TG: variants seen among roughly 807,000 people sequenced by gnomAD.
TG encodes the protein thyroid hormones.
In TG, 270 loss-of-function variants were observed where a neutral mutation model predicts 324.7. The observed-to-expected ratio is 0.83, with a 90% CI of 0.75 to 0.92. TG has a LOEUF of 0.92. Among genes scored for constraint, TG ranks in the 40% least tolerant of loss-of-function variants. The pLI is 0.00. For synonymous variants in TG, 1,401 were observed against 1,327.0 expected (o/e 1.06, Z -1.21); for missense variants, 3,591 against 3,456.4 (o/e 1.04, Z -0.98).
intron 43 of TG, among the ~76,000 whole-genome samples, chr8:133,112,619 C>T (rs978307992): frequency 6.6e-6 from 1 of 151,746 alleles, no homozygotes; most frequent in African/African-American, 2.4e-5. Flanking sequence ...AAAGGGGAAG[C>T]ATGAAGGAAG....
At chr8:133,069,043 A>G (rs1415929419) in intron 41 of TG, among the ~76,000 whole-genome samples, 1 of 152,266 alleles carries the variant, frequency 6.6e-6, no homozygotes, top group African/African-American at 2.4e-5. Context: ...GCCATTACAT[A>G]GAATGGGGAA....
chr8:132,990,079 G>A (rs916388347), intron 35 of TG, among the ~76,000 whole-genome samples: 1 of 151,654 alleles, frequency 6.6e-6, no homozygotes, highest in East Asian at 1.9e-4. Context: ...AGTCCAAACC[G>A]CTTTACAGAG....
At chr8:133,124,065 GT>G (rs1374214996) in intron 45 of TG, among the ~76,000 whole-genome samples, 1 of 152,226 alleles carries the variant, frequency 6.6e-6, no homozygotes, top group Non-Finnish European at 1.5e-5. Flanking sequence ...GCAAACACAA[GT>G]GAAGTGGTTT....
At chr8:132,883,325 C>T (rs1814930391) in intron 8 of TG, 5 of 322,062 alleles carry the variant, frequency 1.6e-5, no homozygotes, top group South Asian at 7.5e-5. Flanking sequence ...GGTGGGCATT[C>T]GATCTTGCAG....
intron 43 of TG, chr8:133,106,381 C>T: frequency 5.1e-6 from 5 of 985,156 alleles, no homozygotes; most frequent in Non-Finnish European, 6.0e-6. Flanking sequence ...CCCAGCCTGG[C>T]CTGCTCTGTG....
chr8:133,115,403 G>T (rs576205460), intron 44 of TG, among the ~76,000 whole-genome samples: 1 of 152,142 alleles, frequency 6.6e-6, no homozygotes, highest in Admixed American at 6.5e-5. Flanking sequence ...TGCTCACAAT[G>T]CCTCAGGGTG....
chr8:133,114,937 G>T (rs141358121), intron 44 of TG, among the ~76,000 whole-genome samples: 1 of 150,090 alleles, frequency 6.7e-6, no homozygotes, highest in Non-Finnish European at 1.5e-5. Flanking sequence ...GGACTAAAAG[G>T]CTTTAATTTT....
rs1339865383 is a variant in TG, at chr8:132,908,216, A to C, written c.3878A>C (p.Gln1293Pro). 1.2e-6 allele frequency: 2 copies of C among 1,614,012 alleles called. No individual in the cohort carries two copies. Among genetic ancestry groups the C allele is most frequent in the South Asian group, 2.2e-5 (2 of 91,080 alleles). Residue 1293 changes from glutamine to proline, a missense_variant, in exon 18 of 48, where the codon CAA becomes CCA. Physicochemically the swap from Gln to Pro is moderately conservative, Grantham distance 76. Transcript: ENST00000220616. Reference sequence around the variant, plus strand: ...CAGCTGTGGCAGACCATCCAGACCCAAGGGCACTTTCAGCTCCAGCTCCCG... The same window carrying C: ...CAGCTGTGGCAGACCATCCAGACCCCAGGGCACTTTCAGCTCCAGCTCCCG... ...RPQLWQTIQTQGHFQLQLPPG... is the reference protein window; with the variant it reads ...RPQLWQTIQTPGHFQLQLPPG...
At chr8:132,988,971 T>A in intron 35 of TG, 1 of 879,910 alleles carries the variant, frequency 1.1e-6, no homozygotes, top group Non-Finnish European at 1.4e-6. Flanking sequence ...GAAAGAGGTT[T>A]AATTGGACTC....
At chr8:132,999,548 G>A (rs868004700) in intron 35 of TG, among the ~76,000 whole-genome samples, 6 of 152,208 alleles carry the variant, frequency 3.9e-5, no homozygotes, top group South Asian at 2.1e-4. Flanking sequence ...GGTGCATAAC[G>A]ACTGGGTTCA....
chr8:133,096,080 C>A (rs968751251), intron 42 of TG, 126 bp from the exon 43 acceptor site: 1 of 1,193,298 alleles, frequency 8.4e-7, no homozygotes. Context: ...TTGTCCTGGT[C>A]ACTTTTTCTC....
At chr8:132,990,279 T>C (rs902757838) in intron 35 of TG, among the ~76,000 whole-genome samples, 1 of 151,914 alleles carries the variant, frequency 6.6e-6, no homozygotes, top group African/African-American at 2.4e-5. Flanking sequence ...AGCTCTATCA[T>C]TTTTTGCTCT....
Position 132,881,888 on chromosome 8 carries a change from A to G in TG, c.664A>G (p.Ser222Gly), listed in dbSNP as rs1233821394. 3.1e-6 allele frequency: 5 copies of G among 1,613,884 alleles called. No individual in the cohort carries two copies. In the African/African-American group the frequency reaches 5.3e-5, roughly 17 times the overall value. ...GTTTCCAGATGCATTTGTGACCTTCAGTTCCTTCCAGAGGAGGTTCCCTGA... is the reference window on the plus strand; with the variant it reads ...GTTTCCAGATGCATTTGTGACCTTCGGTTCCTTCCAGAGGAGGTTCCCTGA... ...NRFPDAFVTF[S>G]SFQRRFPEVS... Residue 222 changes from serine (S) to glycine (G), a missense_variant, in exon 6 of 48, where the codon AGT (serine) becomes GGT (glycine). Transcript: ENST00000220616.
intron 5 of TG, among the ~76,000 whole-genome samples, chr8:132,880,593 C>A (rs1814517399): frequency 6.6e-6 from 1 of 152,172 alleles, no homozygotes; most frequent in African/African-American, 2.4e-5. Context: ...AAACCTCATC[C>A]ATAATCCTAT....
intron 25 of TG, among the ~76,000 whole-genome samples, chr8:132,940,184 A>T (rs1393448923): frequency 6.6e-6 from 1 of 152,140 alleles, no homozygotes. Flanking sequence ...TGAGTCAAAT[A>T]AGATGGGGTG....
chr8:133,048,277 G>A (rs1839834390), intron 41 of TG, among the ~76,000 whole-genome samples: 1 of 152,042 alleles, frequency 6.6e-6, no homozygotes, highest in South Asian at 2.1e-4. Flanking sequence ...CTAGAGAACA[G>A]TGGCGTGACC....
At chr8:132,932,125 G>C (rs76478696) in intron 23 of TG, among the ~76,000 whole-genome samples, 24 of 119,808 alleles carry the variant, frequency 2.0e-4, no homozygotes, top group Admixed American at 1.8e-3. Context: ...TTATTTTTTT[G>C]GGGGGGGTGT....
chr8:132,917,909 T>C (rs1820592284), intron 20 of TG, among the ~76,000 whole-genome samples: 2 of 148,684 alleles, frequency 1.3e-5, no homozygotes, highest in Admixed American at 6.7e-5. Context: ...TTTTTTTAAT[T>C]GCAAAAACCA....
At chr8:132,997,234 T>C (rs1224334108) in intron 35 of TG, among the ~76,000 whole-genome samples, 1 of 152,064 alleles carries the variant, frequency 6.6e-6, no homozygotes, top group Non-Finnish European at 1.5e-5. Context: ...AATTCCAAGA[T>C]AAAGAATGTA....
Sources: allele counts gnomAD v4.1 joint callset (sites outside exome capture counted in the v4.1 genomes callset), GRCh38; gene constraint gnomAD v4.1.1; transcripts MANE v1.5; gene names NCBI Gene and HGNC (gene_info 2026-07-23, HGNC 2026-07-21).